Variants in ESRRG observed in about 807,000 individuals in gnomAD.
ESRRG encodes estrogen related receptor gamma.
A neutral mutation model predicts 44.0 loss-of-function variants in ESRRG; 13 were observed. The ratio of observed to expected loss-of-function variants is 0.30; its 90% confidence interval spans 0.19 to 0.47. The LOEUF is 0.47. Ranked by LOEUF, ESRRG falls within the 20% of genes least tolerant of loss-of-function variation. ESRRG has a pLI of 1.00. For missense variants in ESRRG, 395 were observed against 580.6 expected (o/e 0.68, Z 3.29); for synonymous variants, 215 against 214.6 (o/e 1.00, Z -0.02).
intron 1 of ESRRG, among the ~76,000 whole-genome samples, chr1:216,678,041 T>C (rs1331738252): frequency 6.6e-6 from 1 of 152,246 alleles, no homozygotes; most frequent in Non-Finnish European, 1.5e-5. Context: ...GTAATTACTG[T>C]TTGTCAGCAC....
intron 2 of ESRRG, among the ~76,000 whole-genome samples, chr1:216,748,966 G>A (rs535635243): frequency 1.3e-5 from 2 of 152,146 alleles, no homozygotes; most frequent in Admixed American, 6.5e-5. Context: ...GCCTACGGTC[G>A]ACGTAGAAAG....
chr1:216,651,785 G>A (rs1453652231), intron 2 of ESRRG, among the ~76,000 whole-genome samples: 2 of 152,106 alleles, frequency 1.3e-5, no homozygotes, highest in African/African-American at 2.4e-5. Context: ...CCTGATGTTA[G>A]AACAAAGAAT....
chr1:217,089,155 C>A (rs1383408353), intron 1 of ESRRG, among the ~76,000 whole-genome samples: 1 of 152,102 alleles, frequency 6.6e-6, no homozygotes, highest in African/African-American at 2.4e-5. Flanking sequence ...AGCGCCCTAA[C>A]TCTGCCCTCA....
At chr1:216,729,394 T>C (rs933813843) in intron 2 of ESRRG, among the ~76,000 whole-genome samples, 1 of 152,170 alleles carries the variant, frequency 6.6e-6, no homozygotes. Context: ...AAAAATTATT[T>C]TACAAAATTT....
At chr1:216,763,151 T>A (rs12128867) in intron 2 of ESRRG, among the ~76,000 whole-genome samples, 9,804 of 152,196 alleles carry the variant, frequency 0.064, 400 homozygotes, top group Admixed American at 0.1. Flanking sequence ...GAAAATCAGT[T>A]GAGCTCATTT....
intron 2 of ESRRG, among the ~76,000 whole-genome samples, chr1:216,750,767 TAAA>T (rs398103697): frequency 0.037 from 5,529 of 150,844 alleles, 146 homozygotes; most frequent in Middle Eastern, 0.051. Flanking sequence ...TACCTTTTTT[TAAA>T]AAAAAACTCA....
intron 1 of ESRRG, among the ~76,000 whole-genome samples, chr1:216,990,404 A>G (rs1469556119): frequency 6.6e-6 from 1 of 152,222 alleles, no homozygotes; most frequent in South Asian, 2.1e-4. Context: ...ATTTATATAT[A>G]TTTTTTAAAC....
At chr1:216,608,784 T>A (rs1046672564) in intron 3 of ESRRG, among the ~76,000 whole-genome samples, 1 of 152,186 alleles carries the variant, frequency 6.6e-6, no homozygotes, top group Non-Finnish European at 1.5e-5. Flanking sequence ...AACCATATTA[T>A]TAAAATCTAA....
chr1:216,958,941 G>A (rs1016723731), intron 1 of ESRRG, among the ~76,000 whole-genome samples: 3 of 152,100 alleles, frequency 2.0e-5, no homozygotes, highest in African/African-American at 7.2e-5. Flanking sequence ...ATAGCAACCA[G>A]ATCTCCAGCA....
chr1:216,883,615 AG>A (rs2096480156), intron 2 of ESRRG, among the ~76,000 whole-genome samples: 1 of 152,090 alleles, frequency 6.6e-6, no homozygotes, highest in Admixed American at 6.6e-5. Flanking sequence ...CTTTTCCATT[AG>A]GTATGTCTTC....
intron 1 of ESRRG, among the ~76,000 whole-genome samples, chr1:217,015,321 C>T (rs1477910273): frequency 6.6e-6 from 1 of 152,212 alleles, no homozygotes; most frequent in African/African-American, 2.4e-5. Context: ...TAAGGGCCAT[C>T]ATCCAGACAC....
intron 2 of ESRRG, among the ~76,000 whole-genome samples, chr1:216,780,549 G>A (rs1392651909): frequency 6.6e-6 from 1 of 152,030 alleles, no homozygotes; most frequent in Non-Finnish European, 1.5e-5. Context: ...CTCTGTCACA[G>A]AAATTCTGTG....
At chr1:217,136,999 T>C (rs1257307334) in intron 1 of ESRRG, among the ~76,000 whole-genome samples, 2 of 152,168 alleles carry the variant, frequency 1.3e-5, no homozygotes, top group Non-Finnish European at 2.9e-5. Flanking sequence ...GGACGTTCTC[T>C]GCCTCAGTGT....
At chr1:217,029,541 C>G (rs545264817) in intron 1 of ESRRG, among the ~76,000 whole-genome samples, 86 of 152,282 alleles carry the variant, frequency 5.6e-4, no homozygotes, top group African/African-American at 1.9e-3. Flanking sequence ...TGTTGCGAAA[C>G]GCATTATATA....
chr1:216,555,299 T>TA (rs2057299032), intron 5 of ESRRG, among the ~76,000 whole-genome samples: 1 of 152,210 alleles, frequency 6.6e-6, no homozygotes, highest in Non-Finnish European at 1.5e-5. Context: ...CCCTATCCTT[T>TA]AAAACACATA....
At chr1:216,659,458 G>A (rs1328812304) in intron 2 of ESRRG, among the ~76,000 whole-genome samples, 1 of 152,106 alleles carries the variant, frequency 6.6e-6, no homozygotes, top group East Asian at 1.9e-4. Context: ...CTCTACCTTG[G>A]AGCACACACA....
intron 1 of ESRRG, among the ~76,000 whole-genome samples, chr1:217,026,764 G>T (rs1476695661): frequency 1.3e-5 from 2 of 151,940 alleles, no homozygotes; most frequent in Admixed American, 1.3e-4. Context: ...TGGATGACTT[G>T]CTTAGCAATA....
intron 5 of ESRRG, among the ~76,000 whole-genome samples, chr1:216,541,424 A>G (rs767565475): frequency 5.9e-5 from 9 of 152,038 alleles, no homozygotes; most frequent in East Asian, 1.9e-4. Context: ...GCTAAATGTT[A>G]TCTCTTAGTC....
chr1:216,737,389 A>G (rs2152193528), intron 2 of ESRRG, among the ~76,000 whole-genome samples: 1 of 99,230 alleles, frequency 1.0e-5, no homozygotes, highest in South Asian at 4.6e-4. Flanking sequence ...TGATGACTCC[A>G]ATCTCATATT....
Sources: gnomAD v4.1 joint callset for allele counts (sites outside exome capture counted in the v4.1 genomes callset) on GRCh38, gnomAD v4.1.1 for gene constraint, MANE v1.5 for transcripts, NCBI Gene and HGNC (gene_info 2026-07-23, HGNC 2026-07-21) for gene names.